Variants in BHMT2 observed in about 807,000 individuals in gnomAD.
The protein encoded by BHMT2 is betaine--homocysteine S-methyltransferase 2.
A neutral mutation model predicts 39.0 loss-of-function variants in BHMT2; 28 were observed. The observed-to-expected ratio is 0.72, with a 90% CI of 0.53 to 0.98. BHMT2 has a LOEUF of 0.98. Ranked by LOEUF, BHMT2 falls within the 50% of genes least tolerant of loss-of-function variation. BHMT2 has a pLI of 0.00. For synonymous variants in BHMT2, 145 were observed against 160.6 expected, an observed-to-expected ratio of 0.90 and a Z score of 0.74; for missense variants, 410 against 455.6, an observed-to-expected ratio of 0.90 and a Z score of 0.91.
Position 79,088,674 on chromosome 5 carries a change from T to C in BHMT2, c.*100T>C. The C allele has an allele frequency of 3.4e-6, 3 of 893,482 alleles. No homozygotes were observed. The highest frequency in any genetic ancestry group is 5.3e-6 in the Non-Finnish European group (3 of 566,932). The allele number at this position is 893,482 out of a possible 1,614,324, so 55.3% of individuals were successfully genotyped here. A position where few individuals can be genotyped will look rare whatever the true frequency, so the allele number is the denominator to read the frequency against. On this transcript the variant is annotated 3_prime_UTR_variant, in exon 8 of 8. Coordinates refer to ENST00000255192, the MANE Select transcript of BHMT2 (RefSeq NM_017614.5). ...CACCTTCATCCTCACCATGCCCTGC[T>C]ATCTCCAGCTGCTGAGCAGCTGAGG...
intron 7 of BHMT2, among the ~76,000 whole-genome samples, chr5:79,086,926 T>C (rs969638889): frequency 6.6e-6 from 1 of 150,944 alleles, no homozygotes. Flanking sequence ...TTATGGATCA[T>C]TGTATTTCAC....
intron 3 of BHMT2, among the ~76,000 whole-genome samples, chr5:79,079,772 A>T (rs1356170402): frequency 6.6e-6 from 1 of 152,118 alleles, no homozygotes; most frequent in South Asian, 2.1e-4. Context: ...GGCAGGCGCC[A>T]GTAATCCCAG....
rs530168219 is a variant in BHMT2 at position 79,089,985 on chromosome 5, T to C, written c.*1411T>C. On this transcript the variant is annotated 3_prime_UTR_variant, in exon 8 of 8. Transcript: ENST00000255192. The stretch of plus-strand genomic sequence containing the variant: ...TCTATTTTGGTCTTATATCTTCTTA[T>C]GTTTGTGTTATTTCATGTGTGCCAG... 2.0e-5 allele frequency among the ~76,000 whole-genome samples: 3 copies of C among 152,352 alleles called. No homozygotes were observed. Among genetic ancestry groups the C allele is most frequent in the African/African-American group, 7.2e-5 (3 of 41,584 alleles).
At chr5:79,076,714 T>A (rs1415026342) in intron 1 of BHMT2, among the ~76,000 whole-genome samples, 1 of 152,188 alleles carries the variant, frequency 6.6e-6, no homozygotes, top group Non-Finnish European at 1.5e-5. Context: ...CTGGCAGAGT[T>A]GCTGGGAGTG....
rs1390093893 is a variant in BHMT2, at chr5:79,083,313, G to A, written c.720G>A (p.Leu240=). 1.9e-6 allele frequency: 3 copies of A among 1,612,510 alleles called. No individual in the cohort carries two copies. In the African/African-American group the frequency reaches 4.0e-5, roughly 22 times the overall value. ...GLKAHLMVQP[L]GFHAPDCGKE... is the part of the protein sequence containing the mutation. ...AAGCGCACCTCATGGTGCAGCCTCT[G>A]GGGTTCCACGCGCCTGACTGTGGCA... The change falls in exon 6 of 8, where the codon CTG becomes CTA. Residue 240 remains leucine (L), a synonymous_variant. Coordinates refer to ENST00000255192, the MANE Select transcript of BHMT2 (RefSeq NM_017614.5).
intron 7 of BHMT2, among the ~76,000 whole-genome samples, chr5:79,086,594 C>T (rs1310325831): frequency 2.0e-5 from 3 of 152,102 alleles, no homozygotes; most frequent in African/African-American, 7.2e-5. Flanking sequence ...AGAAATAATC[C>T]TATTTACAAA....
At chr5:79,087,014 G>A (rs965172) in intron 7 of BHMT2, among the ~76,000 whole-genome samples, 54,404 of 117,138 alleles carry the variant, frequency 0.46, 14,308 homozygotes, top group Non-Finnish European at 0.58. Context: ...GTGTGTGTGT[G>A]TATATATATA....
intron 1 of BHMT2, among the ~76,000 whole-genome samples, chr5:79,074,545 T>C (rs1163801041): frequency 6.6e-6 from 1 of 152,192 alleles, no homozygotes; most frequent in Non-Finnish European, 1.5e-5. Context: ...TGGGAAAAGA[T>C]TGAAGAAAAT....
Position 79,083,649 on chromosome 5 carries a change from C to T in BHMT2, c.803C>T (p.Thr268Ile). 6.2e-7 allele frequency: 1 copy of T among 1,613,972 alleles called. No individual in the cohort carries two copies. Among genetic ancestry groups the T allele is most frequent in the Non-Finnish European group, 8.5e-7 (1 of 1,179,936 alleles). ...YPFGLESRVA[T>I]RWDIQKYARE... ...TCAGGACTGGAGTCCAGAGTTGCCA[C>T]CAGATGGGATATTCAAAAATACGCC... The change falls in exon 7 of 8, where the codon ACC becomes ATC. Residue 268 changes from threonine (T) to isoleucine (I), a missense_variant. Transcript: ENST00000255192.
At chr5:79,077,769 T>A (rs889813162) in intron 2 of BHMT2, 157 bp downstream of exon 2, 4 of 846,690 alleles carry the variant, frequency 4.7e-6, no homozygotes, top group Non-Finnish European at 7.0e-6. Flanking sequence ...CAGGCGGAAG[T>A]ATATGGAAGA....
In BHMT2 at chr5:79,083,368, C is replaced by T; in HGVS notation, c.775C>T (p.Pro259Ser). The change falls in exon 6 of 8, where the codon CCC becomes TCC. Residue 259 changes from proline (P) to serine (S), a missense_variant. Coordinates refer to ENST00000255192, the MANE Select transcript of BHMT2 (RefSeq NM_017614.5). ...KEGFVDLPEYPFGLESRVATR... is the reference protein window; with the variant it reads ...KEGFVDLPEYSFGLESRVATR... ...GGGGTTTGTGGATCTCCCAGAATATCCCTTTGGTAAGCTCAGGTGCATAGT... is the reference window on the plus strand; with the variant it reads ...GGGGTTTGTGGATCTCCCAGAATATTCCTTTGGTAAGCTCAGGTGCATAGT... The T allele has an allele frequency of 1.3e-6, 2 of 1,595,844 alleles. No homozygotes were observed. Among genetic ancestry groups the T allele is most frequent in the Non-Finnish European group, 1.7e-6 (2 of 1,170,422 alleles).
intron 7 of BHMT2, among the ~76,000 whole-genome samples, chr5:79,088,193 T>C (rs1333884016): frequency 1.3e-5 from 2 of 152,086 alleles, no homozygotes; most frequent in Non-Finnish European, 2.9e-5. Context: ...ATAAAAAGTA[T>C]ATGAAATTGA....
intron 5 of BHMT2, 103 bp downstream of exon 5, chr5:79,083,059 C>A (rs1755821617): frequency 6.4e-7 from 1 of 1,574,688 alleles, no homozygotes; most frequent in Non-Finnish European, 8.7e-7. Context: ...GAAGAATGAA[C>A]TCCAATCAGT....
At chr5:79,082,661 C>A in intron 4 of BHMT2, 148 bp from the exon 5 acceptor site, 1 of 829,356 alleles carries the variant, frequency 1.2e-6, no homozygotes, top group South Asian at 1.9e-5. Context: ...TTTAGTCAGT[C>A]TGATAGACAC....
At position 79,073,508 on chromosome 5, in the gene BHMT2, T is replaced by C. The variant is rs1755618890; in HGVS notation, c.33+3693T>C. Among the ~76,000 whole-genome samples, 5 of 152,196 alleles carry C rather than the reference T, an allele frequency of 3.3e-5. No homozygotes were observed. The South Asian group carries it at 1.0e-3, about 31-fold the overall frequency. On this transcript the variant is annotated intron_variant, in intron 1 of 7. Coordinates refer to ENST00000255192, the MANE Select transcript of BHMT2 (RefSeq NM_017614.5). The stretch of plus-strand genomic sequence containing the variant: ...TATCCCACTTGCCCACAACTATACC[T>C]GACATGTGGAAGGTCTCAATAAACG...
intron 7 of BHMT2, 92 bp downstream of exon 7, chr5:79,083,948 A>G: frequency 6.8e-7 from 1 of 1,460,940 alleles, no homozygotes; most frequent in Non-Finnish European, 9.1e-7. Context: ...GACAAAAAGT[A>G]TAGAAATGTA....
intron 7 of BHMT2, among the ~76,000 whole-genome samples, chr5:79,085,764 T>C (rs1377284388): frequency 6.6e-6 from 1 of 152,156 alleles, no homozygotes; most frequent in African/African-American, 2.4e-5. Flanking sequence ...TCAGAGCATG[T>C]TTGAAACTTG....
At chr5:79,082,749 C>T in intron 4 of BHMT2, 60 bp from the exon 5 acceptor site, 10 of 1,575,858 alleles carry the variant, frequency 6.3e-6, no homozygotes, top group South Asian at 2.4e-5. Flanking sequence ...CTATATTTAC[C>T]TTTACCATTC....
Position 79,083,234 on chromosome 5 carries a change from C to A in BHMT2, c.641C>A (p.Thr214Asn), listed in dbSNP as rs2112702254. The A allele has an allele frequency of 6.2e-7, 1 of 1,614,132 alleles. No individual in the cohort carries two copies. Among genetic ancestry groups the A allele is most frequent in the East Asian group, 2.2e-5 (1 of 44,876 alleles). Residue 214 changes from threonine to asparagine, a missense_variant, in exon 6 of 8, where the codon ACC becomes AAC. Physicochemically the swap from Thr to Asn is moderately conservative, Grantham distance 65. Coordinates refer to ENST00000255192, the MANE Select transcript of BHMT2 (RefSeq NM_017614.5). ...GTGAACTGCCGCTTTGGGCCCGACACCAGCTTGAAGACGATGGAGCTCATG... is the reference window on the plus strand; with the variant it reads ...GTGAACTGCCGCTTTGGGCCCGACAACAGCTTGAAGACGATGGAGCTCATG... ...VGVNCRFGPD[T>N]SLKTMELMKE...
Sources: gnomAD v4.1 joint callset for allele counts (sites outside exome capture counted in the v4.1 genomes callset) on GRCh38, gnomAD v4.1.1 for gene constraint, MANE v1.5 for transcripts, NCBI Gene and HGNC (gene_info 2026-07-23, HGNC 2026-07-21) for gene names.